Variants in FILIP1 observed in about 807,000 individuals in gnomAD.
FILIP1 encodes filamin A interacting protein 1, also known as filamin-A-interacting protein 1.
In FILIP1, 61 loss-of-function variants were observed where a neutral mutation model predicts 102.1. The ratio of observed to expected loss-of-function variants is 0.60; its 90% CI spans 0.49 to 0.74. The LOEUF (loss-of-function observed/expected upper bound fraction) is 0.74, where lower values mean the gene tolerates loss of function less well. Ranked by LOEUF, FILIP1 falls within the 30% of genes least tolerant of loss-of-function variation. FILIP1 has a pLI of 0.00. For synonymous variants in FILIP1, 491 were observed against 526.9 expected (o/e 0.93, Z 0.93); for missense variants, 1,314 against 1,441.2 (o/e 0.91, Z 1.43).
At chr6:75,464,688 T>C (rs1303041486) in intron 1 of FILIP1, among the ~76,000 whole-genome samples, 3 of 152,228 alleles carry the variant, frequency 2.0e-5, no homozygotes, top group Non-Finnish European at 4.4e-5. Flanking sequence ...CTCCCAAATC[T>C]GCACCTGTAT....
At chr6:75,299,399 C>T (rs1469860280) in intron 6 of FILIP1, among the ~76,000 whole-genome samples, 1 of 152,112 alleles carries the variant, frequency 6.6e-6, no homozygotes, top group African/African-American at 2.4e-5. Context: ...AGATTGGAAC[C>T]AAAGACCATA....
chr6:75,426,092 G>A (rs1012724296), intron 1 of FILIP1, among the ~76,000 whole-genome samples: 3 of 152,166 alleles, frequency 2.0e-5, no homozygotes, highest in Non-Finnish European at 4.4e-5. Context: ...AATGGGTGTG[G>A]CTGGAGTTGA....
intron 2 of FILIP1, among the ~76,000 whole-genome samples, chr6:75,408,225 G>A (rs2998379): frequency 0.038 from 5,758 of 152,248 alleles, 371 homozygotes; most frequent in African/African-American, 0.13. Flanking sequence ...GCTACTTCAC[G>A]CAGGCCATGC....
At chr6:75,366,114 A>G (rs991138060) in intron 2 of FILIP1, 3 of 152,250 alleles carry the variant, frequency 2.0e-5, no homozygotes, top group African/African-American at 7.2e-5. Context: ...ACAGGGTAGT[A>G]TAAGGATTAT....
intron 6 of FILIP1, among the ~76,000 whole-genome samples, chr6:75,301,790 G>T (rs1243535180): frequency 6.6e-6 from 1 of 152,114 alleles, no homozygotes; most frequent in Non-Finnish European, 1.5e-5. Context: ...CCTTTTGGTG[G>T]TAGAAAAGAG....
intron 4 of FILIP1, among the ~76,000 whole-genome samples, chr6:75,352,420 A>G (rs1392401740): frequency 2.0e-5 from 3 of 152,192 alleles, no homozygotes; most frequent in Admixed American, 1.3e-4. Flanking sequence ...TTTAAAAGAT[A>G]CTGGGAAAAA....
At chr6:75,368,763 A>T (rs1400799620) in intron 2 of FILIP1, among the ~76,000 whole-genome samples, 1 of 152,230 alleles carries the variant, frequency 6.6e-6, no homozygotes, top group African/African-American at 2.4e-5. Context: ...AGACTGGAGT[A>T]ATAAACTCAT....
intron 6 of FILIP1, among the ~76,000 whole-genome samples, chr6:75,302,660 C>T (rs1028804098): frequency 2.0e-4 from 31 of 152,018 alleles, no homozygotes; most frequent in African/African-American, 7.5e-4. Flanking sequence ...ATTATTTAAG[C>T]CTGGAGTGTG....
At chr6:75,442,680 T>C (rs940657857) in intron 1 of FILIP1, among the ~76,000 whole-genome samples, 87 of 151,534 alleles carry the variant, frequency 5.7e-4, no homozygotes, top group African/African-American at 8.7e-4. Flanking sequence ...GGCAGGGAGG[T>C]TGCAGTGAGC....
chr6:75,348,775 G>A (rs773817299), intron 4 of FILIP1, among the ~76,000 whole-genome samples: 4 of 152,184 alleles, frequency 2.6e-5, no homozygotes, highest in African/African-American at 4.8e-5. Flanking sequence ...CACTGTGTAT[G>A]CTATTCAGAT....
intron 1 of FILIP1, among the ~76,000 whole-genome samples, chr6:75,438,142 G>T (rs796688611): frequency 1.2e-4 from 19 of 152,270 alleles, no homozygotes; most frequent in African/African-American, 4.6e-4. Context: ...GCGCACAGTT[G>T]TATGCCTGCT....
At chr6:75,456,895 T>A (rs1172767725) in intron 1 of FILIP1, among the ~76,000 whole-genome samples, 1 of 152,190 alleles carries the variant, frequency 6.6e-6, no homozygotes, top group Non-Finnish European at 1.5e-5. Flanking sequence ...CTTTGTTACT[T>A]TTTCTTATTT....
At chr6:75,425,304 A>G (rs933051503) in intron 1 of FILIP1, among the ~76,000 whole-genome samples, 2 of 152,208 alleles carry the variant, frequency 1.3e-5, no homozygotes, top group Non-Finnish European at 2.9e-5. Flanking sequence ...AAGAGCCATA[A>G]AGTTGAAGAG....
chr6:75,314,742 C>T lies in FILIP1; in HGVS notation c.1090G>A (p.Asp364Asn). 6.2e-7 allele frequency: 1 copy of T among 1,614,152 alleles called. No individual in the cohort carries two copies. The highest frequency in any genetic ancestry group is 8.5e-7 in the Non-Finnish European group (1 of 1,180,010). ...CCACATTCTCCTTTGGCAATTTTAT[C>T]TCTTAATTCTTGAAGTTCTTCCTCT... ...KAEEELQELR[D>N]KIAKGECGNS... is the part of the protein sequence containing the mutation. Residue 364 changes from aspartate (D) to asparagine (N), a missense_variant, in exon 5 of 6, where the codon GAT becomes AAT. Physicochemically the swap from Asp to Asn is conservative, Grantham distance 23. Transcript: ENST00000237172.
At chr6:75,371,949 CAT>C (rs1338250580) in intron 2 of FILIP1, among the ~76,000 whole-genome samples, 2 of 152,190 alleles carry the variant, frequency 1.3e-5, no homozygotes, top group African/African-American at 4.8e-5. Flanking sequence ...AAAAGAAAAA[CAT>C]ATAAATTGGA....
chr6:75,452,194 G>A (rs914798567), intron 1 of FILIP1, among the ~76,000 whole-genome samples: 4 of 151,208 alleles, frequency 2.6e-5, no homozygotes, highest in African/African-American at 9.7e-5. Flanking sequence ...GTGCCATGTT[G>A]GTGTGCTGTA....
chr6:75,442,914 T>C (rs1269931852), intron 1 of FILIP1, among the ~76,000 whole-genome samples: 1 of 152,220 alleles, frequency 6.6e-6, no homozygotes, highest in African/African-American at 2.4e-5. Flanking sequence ...CAATGAGTTC[T>C]CAGAAGAGCA....
chr6:75,358,446 G>A (rs1775074166), intron 3 of FILIP1: 1 of 152,220 alleles, frequency 6.6e-6, no homozygotes. Context: ...GACAGAGCAG[G>A]GTGACTTTCC....
chr6:75,333,076 C>T (rs545919078), intron 4 of FILIP1, among the ~76,000 whole-genome samples: 4 of 152,268 alleles, frequency 2.6e-5, no homozygotes, highest in Admixed American at 2.6e-4. Flanking sequence ...ATAACTTAGA[C>T]ATAACTTAGG....
Sources: gnomAD v4.1 joint callset for allele counts (sites outside exome capture counted in the v4.1 genomes callset) on GRCh38, gnomAD v4.1.1 for gene constraint, MANE v1.5 for transcripts, NCBI Gene and HGNC (gene_info 2026-07-23, HGNC 2026-07-21) for gene names.